The following FRMD4B variants were observed in gnomAD, a reference collection of about 807,000 sequenced individuals.
FRMD4B encodes the protein FERM domain containing 4B, also known as FERM domain-containing protein 4B.
Under a neutral mutation model 141.5 loss-of-function variants are expected in FRMD4B, and 74 were observed. The ratio of observed to expected loss-of-function variants is 0.52; its 90% CI spans 0.43 to 0.63. The LOEUF (loss-of-function observed/expected upper bound fraction) is 0.63. Ranked by LOEUF, FRMD4B falls within the 30% of genes least tolerant of loss-of-function variation. FRMD4B has a pLI of 0.00. For synonymous variants in FRMD4B, 506 were observed against 467.9 expected (o/e 1.08, Z -1.05); for missense variants, 1,366 against 1,253.4 (o/e 1.09, Z -1.36).
At chr3:69,532,174 A>T (rs1701017512) in intron 1 of FRMD4B, among the ~76,000 whole-genome samples, 1 of 152,178 alleles carries the variant, frequency 6.6e-6, no homozygotes, top group South Asian at 2.1e-4. Flanking sequence ...TTCATTCGTG[A>T]TGGCCCCACA....
At chr3:69,444,243 C>A (rs1266570207) in intron 1 of FRMD4B, among the ~76,000 whole-genome samples, 1 of 152,168 alleles carries the variant, frequency 6.6e-6, no homozygotes, top group East Asian at 1.9e-4. Flanking sequence ...TAATTAAACT[C>A]TTTGTTTACT....
exon 1 of FRMD4B, chr3:69,542,523 T>A (rs1440373175): frequency 6.6e-6 from 1 of 152,624 alleles, no homozygotes; most frequent in Non-Finnish European, 1.5e-5. Context: ...TGCTCCACAC[T>A]TACAGCTGTG....
At chr3:69,189,576 T>C (rs944219618) in intron 18 of FRMD4B, among the ~76,000 whole-genome samples, 5 of 152,140 alleles carry the variant, frequency 3.3e-5, no homozygotes, top group African/African-American at 1.2e-4. Flanking sequence ...TCTCCGTAAA[T>C]CTATGATTAC....
At chr3:69,255,136 T>G (rs1283937617) in intron 5 of FRMD4B, among the ~76,000 whole-genome samples, 1 of 152,192 alleles carries the variant, frequency 6.6e-6, no homozygotes, top group Non-Finnish European at 1.5e-5. Flanking sequence ...TTTCTGAATG[T>G]GATCATTATA....
chr3:69,467,691 C>T (rs998039679), intron 1 of FRMD4B, among the ~76,000 whole-genome samples: 24 of 152,164 alleles, frequency 1.6e-4, no homozygotes, highest in Non-Finnish European at 1.6e-4. Context: ...TGTCTCAGCT[C>T]TTCTCAATCC....
intron 1 of FRMD4B, among the ~76,000 whole-genome samples, chr3:69,493,508 T>C (rs927164123): frequency 1.3e-5 from 2 of 152,176 alleles, no homozygotes; most frequent in African/African-American, 4.8e-5. Context: ...AAATTCCTAG[T>C]TCCTGGAATG....
At chr3:69,250,219 C>A in intron 5 of FRMD4B, 120 bp from the exon 6 acceptor site, 1 of 767,992 alleles carries the variant, frequency 1.3e-6, no homozygotes, top group South Asian at 1.4e-5. Flanking sequence ...AAATGCAGAT[C>A]ATACCATTGC....
intron 1 of FRMD4B, among the ~76,000 whole-genome samples, chr3:69,434,822 C>A (rs958777769): frequency 2.0e-5 from 3 of 152,280 alleles, no homozygotes; most frequent in Middle Eastern, 6.8e-3. Flanking sequence ...TTTGCTAGGG[C>A]TGCCGTAACA....
intron 21 of FRMD4B, among the ~76,000 whole-genome samples, chr3:69,177,549 C>G (rs9853744): frequency 0.82 from 124,084 of 152,046 alleles, 54,374 homozygotes; most frequent in Non-Finnish European, 0.98. Context: ...ACTTGGGAAG[C>G]TGAGGTGGGA....
intron 1 of FRMD4B, chr3:69,535,714 C>A: frequency 2.5e-6 from 1 of 407,414 alleles, no homozygotes; most frequent in African/African-American, 2.2e-5. Context: ...AATGGGCAGT[C>A]CAGCCTTTCA....
chr3:69,454,854 C>A (rs1226120467), intron 1 of FRMD4B, among the ~76,000 whole-genome samples: 6 of 152,236 alleles, frequency 3.9e-5, no homozygotes, highest in African/African-American at 1.2e-4. Context: ...GCCCGTGGCC[C>A]CTGCGTGGGA....
intron 1 of FRMD4B, among the ~76,000 whole-genome samples, chr3:69,343,489 A>G (rs1702813343): frequency 2.0e-5 from 3 of 151,720 alleles, no homozygotes; most frequent in Admixed American, 2.0e-4. Flanking sequence ...TCCTACCTGG[A>G]TATACCCCTG....
intron 1 of FRMD4B, among the ~76,000 whole-genome samples, chr3:69,330,777 G>A (rs756706917): frequency 1.4e-4 from 21 of 152,226 alleles, no homozygotes; most frequent in Admixed American, 4.6e-4. Context: ...GATTACAGGC[G>A]TGTGCCACCA....
At chr3:69,465,985 T>G (rs929371402) in intron 1 of FRMD4B, among the ~76,000 whole-genome samples, 2 of 152,222 alleles carry the variant, frequency 1.3e-5, no homozygotes, top group Non-Finnish European at 2.9e-5. Context: ...CCACAAATAG[T>G]TGAACTAATT....
At chr3:69,523,109 T>A (rs1396831097) in intron 1 of FRMD4B, among the ~76,000 whole-genome samples, 4 of 141,050 alleles carry the variant, frequency 2.8e-5, no homozygotes, top group African/African-American at 1.1e-4. Flanking sequence ...AGAGGCCATA[T>A]AATAACAAGT....
chr3:69,315,211 TAA>T (rs1307294518), intron 1 of FRMD4B, among the ~76,000 whole-genome samples: 1 of 152,192 alleles, frequency 6.6e-6, no homozygotes, highest in African/African-American at 2.4e-5. Context: ...ATTGCAATAC[TAA>T]AAAAACTTTG....
intron 1 of FRMD4B, among the ~76,000 whole-genome samples, chr3:69,515,474 A>G (rs9843182): frequency 0.28 from 42,948 of 151,978 alleles, 6,248 homozygotes; most frequent in African/African-American, 0.31. Context: ...TTATTTACGT[A>G]TTTGGTCTTT....
rs577916414 is a variant in FRMD4B at position 69,275,368 on chromosome 3, G to A, written c.501+12384C>T. On this transcript the variant is annotated intron_variant, in intron 5 of 22. Coordinates refer to ENST00000398540, the MANE Select transcript of FRMD4B (RefSeq NM_015123.3). The stretch of plus-strand genomic sequence containing the variant: ...CAACATTCACTGAGCTTTATCCAGT[G>A]GGAAAAATGCCCAAGTGTTTTTGTA... 2.6e-3 allele frequency among the ~76,000 whole-genome samples: 401 copies of A among 152,018 alleles called. 4 individuals carry two copies. Among genetic ancestry groups the A allele is most frequent in the Non-Finnish European group, 5.0e-3 (340 of 67,994 alleles).
chr3:69,462,196 C>T (rs893962814), intron 1 of FRMD4B, among the ~76,000 whole-genome samples: 1 of 152,106 alleles, frequency 6.6e-6, no homozygotes, highest in Non-Finnish European at 1.5e-5. Context: ...GTAACCAGAG[C>T]CGCAAGTAAC....
Sources: allele counts gnomAD v4.1 joint callset (sites outside exome capture counted in the v4.1 genomes callset), GRCh38; gene constraint gnomAD v4.1.1; transcripts MANE v1.5; gene names NCBI Gene and HGNC (gene_info 2026-07-23, HGNC 2026-07-21).